The following RAD51B variants were observed in gnomAD, a reference collection of about 807,000 sequenced individuals.
RAD51B encodes the protein RAD51 paralog B.
A neutral mutation model predicts 42.2 loss-of-function variants in RAD51B; 38 were observed. The observed-to-expected ratio is 0.90, with a 90% CI of 0.70 to 1.18. The LOEUF is 1.18. Ranked by LOEUF, RAD51B falls within the 50% of genes most tolerant of loss-of-function variation. RAD51B has a pLI of 0.00. For synonymous variants in RAD51B, 154 were observed against 145.2 expected, an observed-to-expected ratio of 1.06 and a Z score of -0.43; for missense variants, 373 against 400.7, an observed-to-expected ratio of 0.93 and a Z score of 0.59.
intron 7 of RAD51B, among the ~76,000 whole-genome samples, chr14:68,019,949 A>G (rs931828507): frequency 5.9e-5 from 9 of 152,146 alleles, no homozygotes; most frequent in Admixed American, 4.6e-4. Context: ...GCTAAAATTT[A>G]GTTCTATGGC....
At chr14:68,109,768 G>C (rs1435979692) in intron 7 of RAD51B, among the ~76,000 whole-genome samples, 2 of 151,876 alleles carry the variant, frequency 1.3e-5, no homozygotes, top group African/African-American at 4.8e-5. Flanking sequence ...AGCAGTACTT[G>C]ATAACATGAG....
intron 7 of RAD51B, among the ~76,000 whole-genome samples, chr14:67,914,968 A>G (rs1014914497): frequency 2.6e-5 from 4 of 152,160 alleles, no homozygotes; most frequent in African/African-American, 9.7e-5. Context: ...TAGTTTTCCA[A>G]AAGAAATAGG....
chr14:68,542,142 T>G (rs932316532), intron 10 of RAD51B, among the ~76,000 whole-genome samples: 1 of 152,218 alleles, frequency 6.6e-6, no homozygotes, highest in Non-Finnish European at 1.5e-5. Context: ...CATACTGTCA[T>G]TAGCTAATAT....
chr14:67,858,756 C>T lies in RAD51B; in HGVS notation c.316-6247C>T, dbSNP rs151230339. On this transcript the variant is annotated intron_variant, in intron 4 of 10. Coordinates refer to ENST00000471583, the MANE Select transcript of RAD51B (RefSeq NM_133510.4). ...ATCCGGCTTGGAGGTGGGGTTTCAC[C>T]GGATACCTGGCCCTACCCTATCTGC... Among the ~76,000 whole-genome samples the T allele has an allele frequency of 1.5e-4, 23 of 152,262 alleles. 1 individual carries two copies. In the East Asian group the frequency reaches 4.1e-3, roughly 27 times the overall value.
intron 7 of RAD51B, among the ~76,000 whole-genome samples, chr14:68,059,391 A>G (rs1256914969): frequency 6.6e-6 from 1 of 152,112 alleles, no homozygotes; most frequent in Non-Finnish European, 1.5e-5. Context: ...TCAAGACACA[A>G]TGGCCTGGCC....
chr14:68,309,490 A>T (rs1837009544), intron 8 of RAD51B, among the ~76,000 whole-genome samples: 1 of 152,184 alleles, frequency 6.6e-6, no homozygotes, highest in Non-Finnish European at 1.5e-5. Flanking sequence ...AGGTAGAGAA[A>T]AGTGAAGGGC....
chr14:68,017,486 A>G (rs908546445), intron 7 of RAD51B, among the ~76,000 whole-genome samples: 5 of 152,074 alleles, frequency 3.3e-5, no homozygotes, highest in Non-Finnish European at 7.4e-5. Context: ...GTGAGCCACC[A>G]CACCCAGCCT....
At chr14:67,986,807 C>T (rs1253699962) in intron 7 of RAD51B, among the ~76,000 whole-genome samples, 2 of 152,212 alleles carry the variant, frequency 1.3e-5, no homozygotes, top group Non-Finnish European at 2.9e-5. Flanking sequence ...TCTCGACTCA[C>T]TACAACCTCT....
intron 7 of RAD51B, among the ~76,000 whole-genome samples, chr14:68,157,166 C>T (rs1019509774): frequency 1.3e-5 from 2 of 152,128 alleles, no homozygotes; most frequent in African/African-American, 2.4e-5. Context: ...CACTGCACTC[C>T]AGCCTAGTTG....
intron 9 of RAD51B, among the ~76,000 whole-genome samples, chr14:68,418,118 C>T (rs1200666722): frequency 6.6e-6 from 1 of 152,098 alleles, no homozygotes; most frequent in East Asian, 1.9e-4. Flanking sequence ...CCAGAGTATA[C>T]CACCATGATG....
At chr14:68,087,349 G>A (rs2077000165) in intron 7 of RAD51B, among the ~76,000 whole-genome samples, 1 of 152,070 alleles carries the variant, frequency 6.6e-6, no homozygotes, top group African/African-American at 2.4e-5. Flanking sequence ...GGTGTTCTGA[G>A]ACCCTCTGGA....
intron 8 of RAD51B, among the ~76,000 whole-genome samples, chr14:68,344,522 C>G (rs10147024): frequency 0.099 from 15,127 of 152,150 alleles, 865 homozygotes; most frequent in African/African-American, 0.15. Flanking sequence ...TGGTGGGCGC[C>G]TGTAGTCCCA....
chr14:68,615,093 G>A (rs191077331), downstream of RAD51B, among the ~76,000 whole-genome samples: 135 of 152,244 alleles, frequency 8.9e-4, 1 homozygote, highest in African/African-American at 2.8e-3. Flanking sequence ...AGATGGTCTC[G>A]ATCTCTTGAC....
At chr14:67,923,043 C>T (rs2044379826) in intron 7 of RAD51B, among the ~76,000 whole-genome samples, 1 of 151,998 alleles carries the variant, frequency 6.6e-6, no homozygotes, top group Non-Finnish European at 1.5e-5. Flanking sequence ...CCCTTAAGTC[C>T]CCACAGTTCA....
intron 7 of RAD51B, among the ~76,000 whole-genome samples, chr14:68,015,228 C>T (rs191125825): frequency 1.2e-4 from 18 of 152,220 alleles, no homozygotes; most frequent in African/African-American, 3.4e-4. Flanking sequence ...CATAAATGTG[C>T]GCTCCTATTC....
chr14:68,364,565 T>G (rs1196582501), intron 8 of RAD51B, among the ~76,000 whole-genome samples: 1 of 152,168 alleles, frequency 6.6e-6, no homozygotes, highest in Non-Finnish European at 1.5e-5. Flanking sequence ...TCTTTTGCAG[T>G]GACACATACT....
intron 7 of RAD51B, among the ~76,000 whole-genome samples, chr14:68,251,404 TATA>T (rs1380867407): frequency 6.6e-6 from 1 of 152,122 alleles, no homozygotes. Flanking sequence ...AGAGTGTAGC[TATA>T]CAAGGAAAGA....
intron 10 of RAD51B, among the ~76,000 whole-genome samples, chr14:68,601,821 T>G (rs1399371140): frequency 1.3e-5 from 2 of 152,170 alleles, no homozygotes; most frequent in Non-Finnish European, 2.9e-5. Flanking sequence ...AACATGACAC[T>G]GGTCACTACC....
chr14:68,637,175 C>T (rs1391881985), intron 10 of RAD51B, among the ~76,000 whole-genome samples: 1 of 152,078 alleles, frequency 6.6e-6, no homozygotes. Flanking sequence ...AAACTCCCGG[C>T]TTCAAGTGAT....
Sources: allele counts gnomAD v4.1 joint callset (sites outside exome capture counted in the v4.1 genomes callset), GRCh38; gene constraint gnomAD v4.1.1; transcripts MANE v1.5; gene names NCBI Gene and HGNC (gene_info 2026-07-23, HGNC 2026-07-21).